The following TAF3 variants were observed in gnomAD, a reference collection of about 807,000 sequenced individuals.
TAF3 encodes TATA-box binding protein associated factor 3.
In TAF3, 7 loss-of-function variants were observed where a neutral mutation model predicts 80.6. The observed-to-expected ratio is 0.09, with a 90% CI of 0.05 to 0.16. TAF3 has a LOEUF of 0.16. Ranked by LOEUF, TAF3 falls within the 10% of genes least tolerant of loss-of-function variation. The pLI is 1.00. For missense variants in TAF3, 921 were observed against 1,140.2 expected (o/e 0.81, Z 2.77); for synonymous variants, 444 against 446.1 (o/e 1.00, Z 0.06).
At chr10:7,903,625 G>T (rs1837580384) in intron 2 of TAF3, among the ~76,000 whole-genome samples, 1 of 152,186 alleles carries the variant, frequency 6.6e-6, no homozygotes, top group Admixed American at 6.5e-5. Context: ...AGCTGATGCA[G>T]TTTAGCATTG....
chr10:7,898,451 C>T (rs572125968), intron 2 of TAF3, among the ~76,000 whole-genome samples: 10 of 148,876 alleles, frequency 6.7e-5, no homozygotes, highest in African/African-American at 2.5e-4. Context: ...GAGGCTGAGG[C>T]AGGAGAATCA....
intron 2 of TAF3, among the ~76,000 whole-genome samples, chr10:7,923,473 T>G (rs1837785637): frequency 6.6e-6 from 1 of 152,080 alleles, no homozygotes; most frequent in African/African-American, 2.4e-5. Flanking sequence ...CTAACTTTTA[T>G]TCTTCCAGTA....
At position 7,867,253 on chromosome 10, in the gene TAF3, T is replaced by TCA. The variant is rs201281091; in HGVS notation, c.409+42710_409+42711dup. Among the ~76,000 whole-genome samples the TCA allele has an allele frequency of 8.8e-3, 1,320 of 150,824 alleles. 10 individuals are homozygous for TCA. The highest frequency in any genetic ancestry group is 0.021 in the South Asian group (98 of 4,780). ...CAGCCTGGGCAACAGAGTGAGACTGTCACACACACACACACACAAAAAACA... is the reference window on the plus strand; with the variant it reads ...CAGCCTGGGCAACAGAGTGAGACTGTCACACACACACACACACACAAAAAACA... On this transcript the variant is annotated intron_variant, in intron 2 of 6. Transcript: ENST00000344293.
intron 2 of TAF3, among the ~76,000 whole-genome samples, chr10:7,948,258 C>CT (rs575870423): frequency 0.31 from 43,117 of 139,306 alleles, 6,626 homozygotes; most frequent in African/African-American, 0.38. Flanking sequence ...TTCTTTCTTT[C>CT]TTTTTTTTTT....
chr10:7,886,043 G>A (rs1021161604), intron 2 of TAF3, among the ~76,000 whole-genome samples: 7 of 151,824 alleles, frequency 4.6e-5, no homozygotes, highest in Admixed American at 2.6e-4. Flanking sequence ...ATCCTCCTGC[G>A]TCAGCCTCCC....
intron 2 of TAF3, among the ~76,000 whole-genome samples, chr10:7,900,269 TGAAGAA>T (rs553303652): frequency 6.6e-6 from 1 of 152,206 alleles, no homozygotes; most frequent in Admixed American, 6.5e-5. Flanking sequence ...AGTCAAGAAA[TGAAGAA>T]GAATACAAAT....
At chr10:7,922,736 A>G (rs1476097734) in intron 2 of TAF3, among the ~76,000 whole-genome samples, 2 of 152,108 alleles carry the variant, frequency 1.3e-5, no homozygotes, top group Non-Finnish European at 2.9e-5. Flanking sequence ...CCAGTTTTAC[A>G]TACTGGAACG....
At chr10:7,837,413 C>T (rs376986025) in intron 2 of TAF3, among the ~76,000 whole-genome samples, 2 of 150,384 alleles carry the variant, frequency 1.3e-5, no homozygotes, top group African/African-American at 4.9e-5. Flanking sequence ...GAGGTTGAGG[C>T]GGGCTGATCA....
intron 2 of TAF3, among the ~76,000 whole-genome samples, chr10:7,934,070 G>A (rs1027721764): frequency 2.6e-5 from 4 of 152,180 alleles, no homozygotes; most frequent in Admixed American, 6.5e-5. Context: ...TCTCGATAGC[G>A]TAGAGATTGA....
chr10:7,903,663 G>A (rs1242139769), intron 2 of TAF3, among the ~76,000 whole-genome samples: 3 of 152,196 alleles, frequency 2.0e-5, no homozygotes, highest in Non-Finnish European at 2.9e-5. Flanking sequence ...TAGAATTATA[G>A]AAGCACGATT....
intron 2 of TAF3, among the ~76,000 whole-genome samples, chr10:7,894,345 GTAT>G (rs1386130868): frequency 6.6e-6 from 1 of 152,188 alleles, no homozygotes; most frequent in Non-Finnish European, 1.5e-5. Flanking sequence ...AGGTAGACAA[GTAT>G]TATACAGAAC....
At chr10:7,938,166 C>T (rs894744930) in intron 2 of TAF3, among the ~76,000 whole-genome samples, 43 of 152,288 alleles carry the variant, frequency 2.8e-4, no homozygotes, top group African/African-American at 8.7e-4. Context: ...GTTAAATCAT[C>T]TGTGGCATCC....
chr10:7,904,702 C>T (rs915002651), intron 2 of TAF3, among the ~76,000 whole-genome samples: 6 of 152,150 alleles, frequency 3.9e-5, no homozygotes, highest in Non-Finnish European at 7.3e-5. Context: ...TGGGCTGGAA[C>T]TGTGTAGTGT....
At chr10:7,874,452 G>A (rs1837296022) in intron 2 of TAF3, among the ~76,000 whole-genome samples, 1 of 151,982 alleles carries the variant, frequency 6.6e-6, no homozygotes, top group African/African-American at 2.4e-5. Flanking sequence ...CTTCAGGTGG[G>A]GAATAGTGTG....
chr10:7,923,717 CAAAA>C (rs919263828), intron 2 of TAF3, among the ~76,000 whole-genome samples: 1 of 149,456 alleles, frequency 6.7e-6, no homozygotes, highest in Middle Eastern at 3.2e-3. Context: ...CTTTTAAACA[CAAAA>C]AAAAAGGACT....
intron 2 of TAF3, among the ~76,000 whole-genome samples, chr10:7,906,547 T>C (rs377561796): frequency 2.6e-5 from 4 of 152,084 alleles, no homozygotes; most frequent in Non-Finnish European, 5.9e-5. Context: ...TATGAAACCT[T>C]AGAGGTTTCT....
intron 4 of TAF3, among the ~76,000 whole-genome samples, chr10:8,006,515 G>A (rs1043253421): frequency 6.6e-6 from 1 of 152,226 alleles, no homozygotes; most frequent in African/African-American, 2.4e-5. Flanking sequence ...ATGATGTTAA[G>A]CATTTATGAA....
At chr10:7,965,943 A>G (rs1831566947) in intron 3 of TAF3, among the ~76,000 whole-genome samples, 2 of 152,200 alleles carry the variant, frequency 1.3e-5, no homozygotes, top group African/African-American at 2.4e-5. Context: ...ACACTAGCAG[A>G]TGTTAAAAAT....
In TAF3 at chr10:7,957,806, T is replaced by G. The variant is rs985775643; in HGVS notation, c.410-6114T>G. Reference sequence around the variant, plus strand: ...CTCTCTCTAGCGCGCTCTCTCTCTCTCTCTCTCTCTCTCTCTCTCTCGATG... The same window carrying G: ...CTCTCTCTAGCGCGCTCTCTCTCTCGCTCTCTCTCTCTCTCTCTCTCGATG... On this transcript the variant is annotated intron_variant, in intron 2 of 6. Transcript: ENST00000344293. Among the ~76,000 whole-genome samples, 14 of 151,270 alleles carry G rather than the reference T, an allele frequency of 9.3e-5. No individual in the cohort carries two copies. The East Asian group carries it at 2.6e-3, about 28-fold the overall frequency.
Sources: gnomAD v4.1 joint callset for allele counts (sites outside exome capture counted in the v4.1 genomes callset) on GRCh38, gnomAD v4.1.1 for gene constraint, MANE v1.5 for transcripts, NCBI Gene and HGNC (gene_info 2026-07-23, HGNC 2026-07-21) for gene names.